PLXNA4: variants seen among roughly 807,000 people sequenced by gnomAD.
PLXNA4 encodes plexin-A4.
A neutral mutation model predicts 191.8 loss-of-function variants in PLXNA4; 44 were observed. That is an observed-to-expected ratio of 0.23 (90% CI 0.18 to 0.29). The LOEUF (loss-of-function observed/expected upper bound fraction) is 0.29, where lower values mean the gene tolerates loss of function less well. PLXNA4 is among the 10% of genes least tolerant of loss of function. The pLI is 1.00. For synonymous variants in PLXNA4, 1,082 were observed against 1,009.5 expected (o/e 1.07, Z -1.36); for missense variants, 1,800 against 2,488.8 (o/e 0.72, Z 5.89).
At chr7:132,233,226 A>G (rs1798583056) in intron 5 of PLXNA4, among the ~76,000 whole-genome samples, 1 of 152,232 alleles carries the variant, frequency 6.6e-6, no homozygotes, top group Non-Finnish European at 1.5e-5. Context: ...GGACCCTGAC[A>G]AGGGAAGAGA....
intron 3 of PLXNA4, among the ~76,000 whole-genome samples, chr7:132,379,931 G>T (rs577790261): frequency 3.9e-5 from 6 of 152,162 alleles, no homozygotes; most frequent in East Asian, 3.8e-4. Context: ...ACTAGTCAAA[G>T]GTATGTTCTT....
chr7:132,495,117 G>T (rs1481552909), intron 2 of PLXNA4, among the ~76,000 whole-genome samples: 2 of 152,112 alleles, frequency 1.3e-5, no homozygotes, highest in Non-Finnish European at 2.9e-5. Flanking sequence ...GTGGGCCCCT[G>T]ATCCCCAAAT....
At chr7:132,330,257 G>A (rs1475351363) in intron 3 of PLXNA4, among the ~76,000 whole-genome samples, 1 of 152,190 alleles carries the variant, frequency 6.6e-6, no homozygotes, top group Non-Finnish European at 1.5e-5. Flanking sequence ...GTGGGAAGAA[G>A]GTGAAGCTGG....
At chr7:132,565,248 C>G (rs1198708463) in intron 1 of PLXNA4, among the ~76,000 whole-genome samples, 1 of 152,226 alleles carries the variant, frequency 6.6e-6, no homozygotes, top group Non-Finnish European at 1.5e-5. Flanking sequence ...AGAGGAGAAA[C>G]TGAGGCCTAG....
chr7:132,593,048 TG>T (rs1802631964), intron 2 of PLXNA4, among the ~76,000 whole-genome samples: 1 of 152,196 alleles, frequency 6.6e-6, no homozygotes, highest in Non-Finnish European at 1.5e-5. Flanking sequence ...AATGACAGGG[TG>T]GCAAGCCTCT....
chr7:132,173,177 A>G (rs772272927), intron 21 of PLXNA4, among the ~76,000 whole-genome samples: 4 of 152,184 alleles, frequency 2.6e-5, no homozygotes, highest in Non-Finnish European at 4.4e-5. Context: ...AGGAATTTGT[A>G]TACTCTCCAG....
chr7:132,556,148 G>C (rs1469914112), intron 1 of PLXNA4, among the ~76,000 whole-genome samples: 2 of 152,192 alleles, frequency 1.3e-5, no homozygotes, highest in East Asian at 3.9e-4. Context: ...AAATAAACTT[G>C]TAAGAGTTAC....
In PLXNA4 at chr7:132,491,256, T is replaced by C. The variant is rs533056821; in HGVS notation, c.1189-1782A>G. 4.6e-5 allele frequency among the ~76,000 whole-genome samples: 7 copies of C among 152,344 alleles called. No individual in the cohort carries two copies. The South Asian group carries it at 1.5e-3, about 32-fold the overall frequency. Reference sequence around the variant, plus strand: ...GTGAAATAAAATACAAGGTGTCACTTTTTTAAAGGCTTCAATCCAGCCAAA... The same window carrying C: ...GTGAAATAAAATACAAGGTGTCACTCTTTTAAAGGCTTCAATCCAGCCAAA... On this transcript the variant is annotated intron_variant, in intron 2 of 31. Transcript: ENST00000321063.
intron 2 of PLXNA4, among the ~76,000 whole-genome samples, chr7:132,601,482 G>A (rs183648849): frequency 9.7e-4 from 148 of 152,242 alleles, no homozygotes; most frequent in Non-Finnish European, 1.9e-3. Flanking sequence ...AAGTATAAAG[G>A]GAAAAGATGT....
At chr7:132,587,729 G>A (rs772415995) in intron 2 of PLXNA4, among the ~76,000 whole-genome samples, 9 of 152,036 alleles carry the variant, frequency 5.9e-5, no homozygotes, top group Non-Finnish European at 8.8e-5. Flanking sequence ...AGGGTGGGAC[G>A]AAGGGAAGAG....
At chr7:132,594,092 A>T (rs10273617) in intron 2 of PLXNA4, among the ~76,000 whole-genome samples, 110,066 of 152,128 alleles carry the variant, frequency 0.72, 41,172 homozygotes, top group South Asian at 0.88. Flanking sequence ...CGCAAAAATC[A>T]TATGTGAAAG....
chr7:132,451,310 C>T (rs190300202), intron 3 of PLXNA4, among the ~76,000 whole-genome samples: 1 of 152,304 alleles, frequency 6.6e-6, no homozygotes, highest in Admixed American at 6.5e-5. Context: ...CTCCTCTTTG[C>T]TGCATCCTTG....
At chr7:132,249,405 G>T (rs531292013) in intron 4 of PLXNA4, among the ~76,000 whole-genome samples, 15 of 152,182 alleles carry the variant, frequency 9.9e-5, no homozygotes, top group African/African-American at 3.4e-4. Flanking sequence ...AGCGAGTGCC[G>T]ACGCCGGAAT....
At chr7:132,283,015 A>T (rs1800545555) in intron 4 of PLXNA4, among the ~76,000 whole-genome samples, 1 of 151,946 alleles carries the variant, frequency 6.6e-6, no homozygotes, top group Admixed American at 6.6e-5. Context: ...AGTAACTGGG[A>T]CCTACAGGCG....
At chr7:132,277,752 C>T (rs183240134) in intron 4 of PLXNA4, among the ~76,000 whole-genome samples, 42 of 152,314 alleles carry the variant, frequency 2.8e-4, no homozygotes, top group African/African-American at 8.9e-4. Context: ...GGCTTAACAC[C>T]TAGCAGGGCA....
chr7:132,383,586 C>G (rs1414603996), intron 3 of PLXNA4: 1 of 984,222 alleles, frequency 1.0e-6, no homozygotes, highest in Non-Finnish European at 1.2e-6. Context: ...ACACAAGAAT[C>G]AGTTACAAGA....
intron 1 of PLXNA4, among the ~76,000 whole-genome samples, chr7:132,518,833 C>A (rs898210281): frequency 2.0e-5 from 3 of 152,174 alleles, no homozygotes; most frequent in African/African-American, 7.2e-5. Flanking sequence ...GTTTCCACGC[C>A]CTCCTTCCTT....
chr7:132,162,624 C>T (rs1437330683), intron 24 of PLXNA4, among the ~76,000 whole-genome samples: 1 of 152,090 alleles, frequency 6.6e-6, no homozygotes, highest in African/African-American at 2.4e-5. Flanking sequence ...CCATTCAGGT[C>T]TCTATTTTTG....
chr7:132,539,805 G>A (rs980188952), intron 1 of PLXNA4, among the ~76,000 whole-genome samples: 1 of 152,160 alleles, frequency 6.6e-6, no homozygotes, highest in Non-Finnish European at 1.5e-5. Context: ...GTTCTTCCAC[G>A]ATCACTAGGC....
Sources: allele counts gnomAD v4.1 joint callset (sites outside exome capture counted in the v4.1 genomes callset), GRCh38; gene constraint gnomAD v4.1.1; transcripts MANE v1.5; gene names NCBI Gene and HGNC (gene_info 2026-07-23, HGNC 2026-07-21).